FTO: variants seen among roughly 807,000 people sequenced by gnomAD.
The protein encoded by FTO is alpha-ketoglutarate-dependent dioxygenase FTO.
A neutral mutation model predicts 63.9 loss-of-function variants in FTO; 47 were observed. That is an observed-to-expected ratio of 0.74 (90% CI 0.58 to 0.94). The LOEUF (loss-of-function observed/expected upper bound fraction) is 0.94. FTO is among the 40% of genes least tolerant of loss of function. The pLI is 0.00. For synonymous variants in FTO, 207 were observed against 224.4 expected, an observed-to-expected ratio of 0.92 and a Z score of 0.69; for missense variants, 562 against 618.1, an observed-to-expected ratio of 0.91 and a Z score of 0.96.
chr16:53,903,450 G>T (rs1340099840), intron 7 of FTO, among the ~76,000 whole-genome samples: 1 of 151,976 alleles, frequency 6.6e-6, no homozygotes, highest in Non-Finnish European at 1.5e-5. Context: ...GTAGAGACAG[G>T]GTTTTGTTAT....
At chr16:54,018,782 G>A (rs1268942936) in intron 8 of FTO, among the ~76,000 whole-genome samples, 1 of 152,106 alleles carries the variant, frequency 6.6e-6, no homozygotes, top group Non-Finnish European at 1.5e-5. Flanking sequence ...AGTTTCCTGA[G>A]GCCTCCCAAG....
At chr16:53,708,744 G>A (rs1324712448) in intron 1 of FTO, among the ~76,000 whole-genome samples, 15 of 152,070 alleles carry the variant, frequency 9.9e-5, no homozygotes. Flanking sequence ...ATCTCATTGT[G>A]GTTTGATTTG....
intron 8 of FTO, among the ~76,000 whole-genome samples, chr16:54,037,728 A>G (rs1232054835): frequency 6.6e-6 from 1 of 152,222 alleles, no homozygotes; most frequent in Non-Finnish European, 1.5e-5. Context: ...CATAGATAGT[A>G]TTTACAAAGA....
At chr16:54,097,132 G>A (rs1213893235) in intron 8 of FTO, among the ~76,000 whole-genome samples, 1 of 152,094 alleles carries the variant, frequency 6.6e-6, no homozygotes, top group African/African-American at 2.4e-5. Flanking sequence ...TTTTTTTAGA[G>A]ATGGGAAGAC....
At chr16:53,851,479 A>G (rs2079795642) in intron 4 of FTO, among the ~76,000 whole-genome samples, 1 of 151,918 alleles carries the variant, frequency 6.6e-6, no homozygotes, top group African/African-American at 2.4e-5. Context: ...AAAGGAAAAA[A>G]AATAATTGGA....
chr16:53,781,152 A>C (rs945422691), intron 1 of FTO, among the ~76,000 whole-genome samples: 1 of 152,192 alleles, frequency 6.6e-6, no homozygotes, highest in Non-Finnish European at 1.5e-5. Flanking sequence ...AGATATAATT[A>C]TCCCTATTTT....
chr16:54,053,483 A>T lies in FTO; in HGVS notation c.1365-58279A>T, dbSNP rs547888391. Among the ~76,000 whole-genome samples the T allele has an allele frequency of 2.6e-5, 4 of 152,124 alleles. No homozygotes were observed. In the South Asian group the frequency reaches 8.3e-4, roughly 32 times the overall value. On this transcript the variant is annotated intron_variant, in intron 8 of 8. Transcript: ENST00000471389. ...GCTTACAGAAGCCGAACTGCTCTAA[A>T]CCACCTTTGGTGGCAGTGACTCCTT...
intron 8 of FTO, among the ~76,000 whole-genome samples, chr16:54,056,776 C>A (rs537350338): frequency 6.6e-6 from 1 of 152,334 alleles, no homozygotes; most frequent in Admixed American, 6.5e-5. Context: ...AACCCTAAAA[C>A]CAGAGCCATC....
Position 54,116,075 on chromosome 16 carries a change from T to G in FTO, c.*4160T>G, listed in dbSNP as rs1408019365. On this transcript the variant is annotated 3_prime_UTR_variant, in exon 9 of 9. Coordinates refer to ENST00000471389, the MANE Select transcript of FTO (RefSeq NM_001080432.3). ...GGTCATGGCATCATTGGTGACACAA[T>G]TTTAGTAATAAGCTTCAAAACCCAT... 6.6e-6 allele frequency: 1 copy of G among 152,168 alleles called. No individual in the cohort carries two copies. Among genetic ancestry groups the G allele is most frequent in the African/African-American group, 2.4e-5 (1 of 41,432 alleles). The allele number at this position is 152,168 out of a possible 1,614,324, so 9.4% of individuals were successfully genotyped here. A position where few individuals can be genotyped will look rare whatever the true frequency, so the allele number is the denominator to read the frequency against.
intron 8 of FTO, among the ~76,000 whole-genome samples, chr16:53,934,639 C>T (rs146083386): frequency 1.3e-5 from 2 of 152,190 alleles, no homozygotes; most frequent in African/African-American, 4.8e-5. Context: ...TATATGGTGT[C>T]GTCTGTTGCT....
chr16:53,823,490 T>G (rs2078921371), intron 2 of FTO, among the ~76,000 whole-genome samples: 1 of 148,196 alleles, frequency 6.7e-6, no homozygotes. Flanking sequence ...GTACATCCAA[T>G]TCCCCTCCCC....
At chr16:53,809,319 G>A (rs1340022025) in intron 1 of FTO, among the ~76,000 whole-genome samples, 4 of 152,130 alleles carry the variant, frequency 2.6e-5, no homozygotes, top group East Asian at 1.9e-4. Flanking sequence ...AAGCAATACC[G>A]TAAGTGGATA....
chr16:54,006,768 C>A lies in FTO; in HGVS notation c.1364+72659C>A, dbSNP rs555733153. 3.9e-5 allele frequency among the ~76,000 whole-genome samples: 6 copies of A among 152,324 alleles called. No individual in the cohort carries two copies. In the South Asian group the frequency reaches 1.2e-3, roughly 32 times the overall value. On this transcript the variant is annotated intron_variant, in intron 8 of 8. Transcript: ENST00000471389. The stretch of plus-strand genomic sequence containing the variant: ...GCTCCAAGCCCGCTGTTTGGGTAAA[C>A]CCACACTGAACCAAGTGAGCGATTG...
chr16:53,834,276 G>A (rs111762543), intron 3 of FTO, among the ~76,000 whole-genome samples: 201 of 152,146 alleles, frequency 1.3e-3, no homozygotes, highest in African/African-American at 4.6e-3. Context: ...CACCTGTCTC[G>A]GCCTCCCAAA....
chr16:54,097,332 T>TTTG lies in FTO; in HGVS notation c.1365-14416_1365-14414dup, dbSNP rs576780405. Among the ~76,000 whole-genome samples, 72 of 151,890 alleles carry TTTG rather than the reference T, an allele frequency of 4.7e-4. 1 individual carries two copies. The East Asian group carries it at 0.01, about 22-fold the overall frequency. ...TAGCTTGCTCTTTTTTTGTTTTTTT[T>TTTG]TTGTTGTTGTTGTTGTGTTGTTTTT... On this transcript the variant is annotated intron_variant, in intron 8 of 8. Coordinates refer to ENST00000471389, the MANE Select transcript of FTO (RefSeq NM_001080432.3).
chr16:53,913,986 G>GAA (rs796724555), intron 7 of FTO, among the ~76,000 whole-genome samples: 28 of 112,020 alleles, frequency 2.5e-4, no homozygotes, highest in African/African-American at 5.1e-4. Context: ...CTCAAAAAAA[G>GAA]AAAAAAAAAA....
Position 53,984,772 on chromosome 16 carries a change from C to T in FTO, c.1364+50663C>T, listed in dbSNP as rs140471415. Among the ~76,000 whole-genome samples the T allele has an allele frequency of 5.9e-5, 9 of 151,742 alleles. No individual in the cohort carries two copies. In the East Asian group the frequency reaches 1.2e-3, roughly 20 times the overall value. ...ACTGGTTTAATAATGATCAGATAGA[C>T]GAGAAAAGGCCTTGACTAAGTCAGT... On this transcript the variant is annotated intron_variant, in intron 8 of 8. Coordinates refer to ENST00000471389, the MANE Select transcript of FTO (RefSeq NM_001080432.3).
At chr16:53,727,023 T>C (rs76936465) in intron 1 of FTO, among the ~76,000 whole-genome samples, 8,853 of 152,270 alleles carry the variant, frequency 0.058, 839 homozygotes, top group African/African-American at 0.2. Context: ...GCTGAATATA[T>C]CTTCAATCAG....
In FTO at chr16:54,114,434, A is replaced by C. The variant is rs1394984505; in HGVS notation, c.*2519A>C. 2 of 152,160 alleles carry C rather than the reference A, an allele frequency of 1.3e-5. No individual in the cohort carries two copies. Among genetic ancestry groups the C allele is most frequent in the African/African-American group, 4.8e-5 (2 of 41,438 alleles). 9.4% of individuals were successfully genotyped at this position (152,160 alleles called of 1,614,324 possible). On this transcript the variant is annotated 3_prime_UTR_variant, in exon 9 of 9. Transcript: ENST00000471389. Reference sequence around the variant, plus strand: ...TTGCATCATAAAATATTCATATCCAATAAACATATTAAAAGGATGAGATAA... The same window carrying C: ...TTGCATCATAAAATATTCATATCCACTAAACATATTAAAAGGATGAGATAA...
Sources: allele counts gnomAD v4.1 joint callset (sites outside exome capture counted in the v4.1 genomes callset), GRCh38; gene constraint gnomAD v4.1.1; transcripts MANE v1.5; gene names NCBI Gene and HGNC (gene_info 2026-07-23, HGNC 2026-07-21).